LRRC8B: variants seen among roughly 807,000 people sequenced by gnomAD.
LRRC8B encodes volume-regulated anion channel subunit LRRC8B.
Under a neutral mutation model 58.8 loss-of-function variants are expected in LRRC8B, and 23 were observed. The ratio of observed to expected loss-of-function variants is 0.39; its 90% CI spans 0.28 to 0.55. LRRC8B has a LOEUF of 0.55. Among genes scored for constraint, LRRC8B ranks in the 20% least tolerant of loss-of-function variants. The pLI, the probability that LRRC8B is intolerant of heterozygous loss-of-function variation, is 0.62. For missense variants in LRRC8B, 694 were observed against 936.0 expected (o/e 0.74, Z 3.37); for synonymous variants, 359 against 374.1 (o/e 0.96, Z 0.47).
chr1:89,573,611 T>G (rs1653628000), intron 3 of LRRC8B, among the ~76,000 whole-genome samples: 1 of 152,226 alleles, frequency 6.6e-6, no homozygotes, highest in Non-Finnish European at 1.5e-5. Context: ...TTTATGATGA[T>G]GTCAGCTTCT....
chr1:89,584,032 A>G lies in LRRC8B; in HGVS notation c.1382A>G (p.Gln461Arg), dbSNP rs372531494. ...GTGAAGCTGCCCTCTGCAGTCTCAC[A>G]GCTGGTCAACCTCAAGGAGCTTCGT... is the stretch of plus-strand genomic sequence containing the variant. ...PEVKLPSAVS[Q>R]LVNLKELRVY... Residue 461 changes from glutamine to arginine, a missense_variant, in exon 5 of 6, where the codon CAG (glutamine) becomes CGG (arginine). Physicochemically the swap from Gln to Arg is conservative, Grantham distance 43. Coordinates refer to ENST00000330947, the MANE Select transcript of LRRC8B (RefSeq NM_001369817.2). 6.2e-7 allele frequency: 1 copy of G among 1,614,092 alleles called. No individual in the cohort carries two copies. Among genetic ancestry groups the G allele is most frequent in the African/African-American group, 1.3e-5 (1 of 74,948 alleles).
At position 89,529,380 on chromosome 1, in the gene LRRC8B, C is replaced by T. The variant is rs572022212; in HGVS notation, c.-241+4358C>T. Among the ~76,000 whole-genome samples, 4 of 152,250 alleles carry T rather than the reference C, an allele frequency of 2.6e-5. No homozygotes were observed. The East Asian group carries it at 5.8e-4, about 22-fold the overall frequency. ...GGTTTTTGAGTGTCAGGGAGCAAGACGTTATTACTCAATGTCAGCATTTAT... is the reference window on the plus strand; with the variant it reads ...GGTTTTTGAGTGTCAGGGAGCAAGATGTTATTACTCAATGTCAGCATTTAT... On this transcript the variant is annotated intron_variant, in intron 1 of 5. Coordinates refer to ENST00000330947, the MANE Select transcript of LRRC8B (RefSeq NM_001369817.2).
intron 1 of LRRC8B, among the ~76,000 whole-genome samples, chr1:89,536,469 T>C (rs1161042754): frequency 6.6e-6 from 1 of 152,234 alleles, no homozygotes; most frequent in East Asian, 1.9e-4. Flanking sequence ...AGTGCATGGC[T>C]CTTAGCAGGC....
chr1:89,590,114 G>T (rs1220809872), intron 5 of LRRC8B, among the ~76,000 whole-genome samples: 1 of 151,980 alleles, frequency 6.6e-6, no homozygotes, highest in Admixed American at 6.6e-5. Flanking sequence ...TTTCCCATTG[G>T]TTTTTTTAGA....
chr1:89,556,288 GC>G (rs1405903986), intron 1 of LRRC8B, among the ~76,000 whole-genome samples: 2 of 152,136 alleles, frequency 1.3e-5, no homozygotes, highest in African/African-American at 4.8e-5. Flanking sequence ...TCCTCCCACT[GC>G]CCTCAAATAC....
chr1:89,585,870 A>G (rs1474921674), intron 5 of LRRC8B, among the ~76,000 whole-genome samples: 1 of 152,218 alleles, frequency 6.6e-6, no homozygotes, highest in African/African-American at 2.4e-5. Flanking sequence ...TTTGTAGTTC[A>G]TATGTCATGG....
Position 89,534,649 on chromosome 1 carries a change from GA to G in LRRC8B, c.-241+9629del, listed in dbSNP as rs1235431341. Among the ~76,000 whole-genome samples, 3 of 152,130 alleles carry G rather than the reference GA, an allele frequency of 2.0e-5. No individual in the cohort carries two copies. In the East Asian group the frequency reaches 5.8e-4, roughly 29 times the overall value. On this transcript the variant is annotated intron_variant, in intron 1 of 5. Coordinates refer to ENST00000330947, the MANE Select transcript of LRRC8B (RefSeq NM_001369817.2). ...TTTTTCACTAGTACACGATTGACCA[GA>G]ACAACACGTGTAATCAAAGCAAGTG...
rs1196365470 is a variant in LRRC8B at position 89,596,515 on chromosome 1, AATTAAAATAT to A, written c.*3473_*3482del. ...GTTTTGTGATTAAAATTTTATGTTT[AATTAAAATAT>A]TGCATAATATTGATGGGTTCAAAAA... On this transcript the variant is annotated 3_prime_UTR_variant, in exon 6 of 6. Transcript: ENST00000330947. The A allele has an allele frequency of 1.6e-4, 24 of 152,272 alleles. No homozygotes were observed. Among genetic ancestry groups the A allele is most frequent in the African/African-American group, 5.5e-4 (23 of 41,572 alleles). 9.4% of individuals were successfully genotyped at this position (152,272 alleles called of 1,614,324 possible). A position where few individuals can be genotyped will look rare whatever the true frequency, so the allele number is the denominator to read the frequency against.
chr1:89,557,564 A>C (rs2100938647), intron 1 of LRRC8B, among the ~76,000 whole-genome samples: 1 of 152,176 alleles, frequency 6.6e-6, no homozygotes, highest in East Asian at 1.9e-4. Context: ...GTATTTAGTG[A>C]GTGATTTAAG....
intron 1 of LRRC8B, among the ~76,000 whole-genome samples, chr1:89,549,647 T>G (rs1322868679): frequency 6.6e-6 from 1 of 152,200 alleles, no homozygotes; most frequent in African/African-American, 2.4e-5. Flanking sequence ...CGGATTTGCA[T>G]ATGTGGGTGT....
intron 1 of LRRC8B, among the ~76,000 whole-genome samples, chr1:89,555,793 G>A (rs931036397): frequency 2.0e-5 from 3 of 152,176 alleles, no homozygotes; most frequent in Admixed American, 6.5e-5. Context: ...GGCACTGTTT[G>A]AAATTGCATC....
chr1:89,556,066 T>C (rs1652164690), intron 1 of LRRC8B, among the ~76,000 whole-genome samples: 1 of 152,142 alleles, frequency 6.6e-6, no homozygotes, highest in African/African-American at 2.4e-5. Context: ...GATTCCAGCA[T>C]TGGAACTTTT....
intron 4 of LRRC8B, among the ~76,000 whole-genome samples, chr1:89,581,204 C>T (rs1031491888): frequency 4.7e-5 from 6 of 128,336 alleles, no homozygotes; most frequent in Admixed American, 9.6e-5. Context: ...GAGGCTGAGG[C>T]GGGAGGATTG....
chr1:89,533,439 C>G (rs1447797269), intron 1 of LRRC8B, among the ~76,000 whole-genome samples: 1 of 152,212 alleles, frequency 6.6e-6, no homozygotes, highest in Non-Finnish European at 1.5e-5. Context: ...GAGGAAGGTT[C>G]TAGATAGCCA....
At chr1:89,568,731 A>G (rs908817201) in intron 3 of LRRC8B, among the ~76,000 whole-genome samples, 31 of 152,248 alleles carry the variant, frequency 2.0e-4, no homozygotes, top group African/African-American at 7.2e-4. Flanking sequence ...ATGCAGGAAA[A>G]TATATGTGTA....
chr1:89,558,064 G>A (rs1652324043), intron 1 of LRRC8B, among the ~76,000 whole-genome samples: 1 of 152,168 alleles, frequency 6.6e-6, no homozygotes, highest in South Asian at 2.1e-4. Flanking sequence ...TCACAGCAGG[G>A]TTCCAAACTG....
chr1:89,546,534 C>T (rs78757988), intron 1 of LRRC8B, among the ~76,000 whole-genome samples: 8,611 of 152,230 alleles, frequency 0.057, 278 homozygotes, highest in African/African-American at 0.085. Flanking sequence ...TGGTTGTCTA[C>T]CTGGAATAGA....
chr1:89,591,890 G>T (rs1329054361), intron 5 of LRRC8B, among the ~76,000 whole-genome samples: 1 of 152,160 alleles, frequency 6.6e-6, no homozygotes, highest in Non-Finnish European at 1.5e-5. Flanking sequence ...ATTATGGGGG[G>T]TAGGGAGCGG....
intron 3 of LRRC8B, among the ~76,000 whole-genome samples, chr1:89,570,215 A>G (rs138533351): frequency 1.3e-5 from 2 of 152,246 alleles, no homozygotes; most frequent in African/African-American, 4.8e-5. Context: ...AAAATGATTT[A>G]TATGCCTTTG....
Sources: gnomAD v4.1 joint callset for allele counts (sites outside exome capture counted in the v4.1 genomes callset) on GRCh38, gnomAD v4.1.1 for gene constraint, MANE v1.5 for transcripts, NCBI Gene and HGNC (gene_info 2026-07-23, HGNC 2026-07-21) for gene names.